SIAE: variants seen among roughly 807,000 people sequenced by gnomAD.
SIAE encodes sialate O-acetylesterase.
A neutral mutation model predicts 52.6 loss-of-function variants in SIAE; 39 were observed. The observed-to-expected ratio is 0.74, with a 90% CI of 0.57 to 0.97. The LOEUF (loss-of-function observed/expected upper bound fraction) is 0.97. Among genes scored for constraint, SIAE ranks in the 50% least tolerant of loss-of-function variants. SIAE has a pLI of 0.00. For missense variants in SIAE, 592 were observed against 662.1 expected (o/e 0.89, Z 1.16); for synonymous variants, 233 against 241.4 (o/e 0.97, Z 0.32).
chr11:124,663,302 C>T (rs999358918), intron 2 of SIAE, among the ~76,000 whole-genome samples: 3 of 152,160 alleles, frequency 2.0e-5, no homozygotes, highest in African/African-American at 4.8e-5. Flanking sequence ...ATTGGCCGGG[C>T]GCAGTGGCTT....
At position 124,660,666 on chromosome 11, in the gene SIAE, A is replaced by C; in HGVS notation, c.367T>G (p.Cys123Gly). The C allele has an allele frequency of 6.2e-7, 1 of 1,614,196 alleles. No homozygotes were observed. The highest frequency in any genetic ancestry group is 8.5e-7 in the Non-Finnish European group (1 of 1,180,036). Reference protein sequence around the residue: ...HDVLFGDVWLCSGQSNMQMTV... With the variant: ...HDVLFGDVWLGSGQSNMQMTV... ...ATCTGCATGTTACTCTGCCCACTAC[A>C]GAGCCAGACATCTCCAAACAGGACG... Residue 123 changes from cysteine to glycine, a missense_variant, in exon 3 of 10, where the codon TGT (cysteine) becomes GGT (glycine). By Grantham distance (159) the Cys-to-Gly change is radical. Coordinates refer to ENST00000263593, the MANE Select transcript of SIAE (RefSeq NM_170601.5).
chr11:124,658,718 G>C (rs1004985975), intron 3 of SIAE, among the ~76,000 whole-genome samples: 2 of 152,148 alleles, frequency 1.3e-5, no homozygotes, highest in Non-Finnish European at 2.9e-5. Context: ...AATGTGAAGA[G>C]TGGTAGGTTA....
At chr11:124,664,455 C>T (rs112087875) in intron 2 of SIAE, among the ~76,000 whole-genome samples, 32 of 152,204 alleles carry the variant, frequency 2.1e-4, no homozygotes, top group Non-Finnish European at 2.9e-4. Context: ...AGGATGGTCT[C>T]GATCTCCTGA....
In SIAE at chr11:124,645,415, C is replaced by T. The variant is rs756693987; in HGVS notation, c.966+1950G>A. On this transcript the variant is annotated intron_variant, in intron 7 of 9. Transcript: ENST00000263593. The surrounding 1 kb of genome is among the most constrained non-coding windows in gnomAD (Gnocchi z 4.7). ...CTCCTGGGTTCAAGCGATTCTCCTG[C>T]CTCAGCCTCCAGAGTAGCTGGGATT... 2.6e-5 allele frequency among the ~76,000 whole-genome samples: 4 copies of T among 151,912 alleles called. No homozygotes were observed. The highest frequency in any genetic ancestry group is 4.8e-5 in the African/African-American group (2 of 41,372).
rs757310803 is a variant in SIAE, at chr11:124,649,730, T to A, written c.611A>T (p.Tyr204Phe). 3 of 1,614,014 alleles carry A rather than the reference T, an allele frequency of 1.9e-6. No individual in the cohort carries two copies. Among genetic ancestry groups the A allele is most frequent in the African/African-American group, 2.7e-5 (2 of 74,900 alleles). ...AVCWLFGRHL[Y>F]DTLQYPIGLI... Reference sequence around the variant, plus strand: ...CCCGATGGGATACTGCAGAGTGTCATAAAGGTGACGTCCAAAGAGCCAGCA... The same window carrying A: ...CCCGATGGGATACTGCAGAGTGTCAAAAAGGTGACGTCCAAAGAGCCAGCA... The change falls in exon 5 of 10, where the codon TAT becomes TTT. Residue 204 changes from tyrosine (Y) to phenylalanine (F), a missense_variant. Coordinates refer to ENST00000263593, the MANE Select transcript of SIAE (RefSeq NM_170601.5).
chr11:124,644,706 T>G (rs1353100189), intron 7 of SIAE, among the ~76,000 whole-genome samples: 1 of 152,126 alleles, frequency 6.6e-6, no homozygotes, highest in African/African-American at 2.4e-5. Context: ...CAACTGTTCC[T>G]CCAAATCCCT....
chr11:124,656,997 A>G (rs1399272695), intron 3 of SIAE, among the ~76,000 whole-genome samples: 6 of 152,058 alleles, frequency 3.9e-5, no homozygotes, highest in African/African-American at 1.4e-4. Context: ...ACTCTGAAAG[A>G]TGCTGCCCCT....
chr11:124,647,988 G>T, intron 6 of SIAE, 78 bp downstream of exon 6: 1 of 1,097,616 alleles, frequency 9.1e-7, no homozygotes, highest in Non-Finnish European at 1.4e-6. Flanking sequence ...GTTGCTTTAA[G>T]CCACTACGTT....
chr11:124,660,491 G>A, intron 3 of SIAE, 137 bp downstream of exon 3: 1 of 813,738 alleles, frequency 1.2e-6, no homozygotes, highest in Non-Finnish European at 2.1e-6. Flanking sequence ...TTCATTCAAA[G>A]CATTTAGAAC....
chr11:124,657,317 T>C (rs1038555798), intron 3 of SIAE, among the ~76,000 whole-genome samples: 5 of 152,192 alleles, frequency 3.3e-5, no homozygotes, highest in African/African-American at 1.2e-4. Context: ...GGAAATTATT[T>C]TTCAGCAGCA....
intron 5 of SIAE, among the ~76,000 whole-genome samples, chr11:124,648,549 C>T (rs2134365420): frequency 6.6e-6 from 1 of 152,078 alleles, no homozygotes; most frequent in South Asian, 2.1e-4. Context: ...TTGTTTTAAA[C>T]TTTTTGCTTT....
rs1942763644 is a variant in SIAE, at chr11:124,637,220, A to C, written c.1321-18T>G. ...CAGGAGATCTAATAAGAGAGCCATA[A>C]AATAGGAATGATTAGGTCAGAAGGG... On this transcript the variant is annotated intron_variant, in intron 9 of 9. Coordinates refer to ENST00000263593, the MANE Select transcript of SIAE (RefSeq NM_170601.5). The C allele has an allele frequency of 1.9e-6, 3 of 1,614,074 alleles. No individual in the cohort carries two copies. The African/African-American group carries it at 4.0e-5, about 22-fold the overall frequency.
chr11:124,673,791 T>C, upstream of SIAE: 1 of 1,508,244 alleles, frequency 6.6e-7, no homozygotes, highest in Non-Finnish European at 9.0e-7. Flanking sequence ...CGAGGCCGAC[T>C]CCACCCTTTT....
chr11:124,639,674 T>A, intron 8 of SIAE, 36 bp downstream of exon 8: 1 of 1,613,544 alleles, frequency 6.2e-7, no homozygotes, highest in Non-Finnish European at 8.5e-7. Flanking sequence ...ACAAAGAACA[T>A]ACACTGTTCA....
chr11:124,649,713 G>A lies in SIAE; in HGVS notation c.628C>T (p.Pro210Ser). ...CAGCTGGAGGCGATCAGCCCGATGGGATACTGCAGAGTGTCATAAAGGTGA... is the reference window on the plus strand; with the variant it reads ...CAGCTGGAGGCGATCAGCCCGATGGAATACTGCAGAGTGTCATAAAGGTGA... ...GRHLYDTLQY[P>S]IGLIASSWGG... The change falls in exon 5 of 10, where the codon CCC becomes TCC. Residue 210 changes from proline (P) to serine (S), a missense_variant. Coordinates refer to ENST00000263593, the MANE Select transcript of SIAE (RefSeq NM_170601.5). 6.2e-7 allele frequency: 1 copy of A among 1,614,172 alleles called. No individual in the cohort carries two copies. The highest frequency in any genetic ancestry group is 8.5e-7 in the Non-Finnish European group (1 of 1,180,032).
At chr11:124,655,596 A>C (rs1943086928) in intron 3 of SIAE, among the ~76,000 whole-genome samples, 1 of 152,200 alleles carries the variant, frequency 6.6e-6, no homozygotes, top group African/African-American at 2.4e-5. Flanking sequence ...CACAGCTCAG[A>C]CATGACTGTT....
At chr11:124,656,136 A>G (rs1269313517) in intron 3 of SIAE, among the ~76,000 whole-genome samples, 1 of 152,254 alleles carries the variant, frequency 6.6e-6, no homozygotes, top group Non-Finnish European at 1.5e-5. Context: ...AAATATTGCA[A>G]AATCCAAAAA....
rs1942757202 is a variant in SIAE, at chr11:124,637,041, TA to T, written c.1481del (p.Leu494HisfsTer39). 3 of 1,613,982 alleles carry T rather than the reference TA, an allele frequency of 1.9e-6. No homozygotes were observed. Among genetic ancestry groups the T allele is most frequent in the Non-Finnish European group, 2.5e-6 (3 of 1,180,028 alleles). On this transcript the variant is annotated frameshift_variant, in exon 10 of 10. Transcript: ENST00000263593. LOFTEE classifies it low-confidence loss of function (END_TRUNC). ...TWPCEYKQCP[L>X]YHPSSALPAP... ...CTGGCAGGGCACTACTGGGGTGGTA[TA>T]GGGGACACTGCTTATATTCACAAGG...
chr11:124,668,486 A>G (rs1194036557), intron 2 of SIAE, among the ~76,000 whole-genome samples: 7 of 152,220 alleles, frequency 4.6e-5, no homozygotes, highest in Non-Finnish European at 8.8e-5. Flanking sequence ...CTCTCAATAG[A>G]TATTTGAATG....
Sources: allele counts gnomAD v4.1 joint callset (sites outside exome capture counted in the v4.1 genomes callset), GRCh38; gene constraint gnomAD v4.1.1; non-coding constraint Gnocchi (gnomAD v3.1); transcripts MANE v1.5; gene names NCBI Gene and HGNC (gene_info 2026-07-23, HGNC 2026-07-21).